The following ESRRG variants were observed in gnomAD, a reference collection of about 807,000 sequenced individuals.
The protein encoded by ESRRG is estrogen-related receptor gamma.
Under a neutral mutation model 44.0 loss-of-function variants are expected in ESRRG, and 13 were observed. That is an observed-to-expected ratio of 0.30 (90% CI 0.19 to 0.47). The LOEUF (loss-of-function observed/expected upper bound fraction) is 0.47. Among genes scored for constraint, ESRRG ranks in the 20% least tolerant of loss-of-function variants. The pLI is 1.00. For synonymous variants in ESRRG, 215 were observed against 214.6 expected, an observed-to-expected ratio of 1.00 and a Z score of -0.02; for missense variants, 395 against 580.6, an observed-to-expected ratio of 0.68 and a Z score of 3.29.
In ESRRG at chr1:216,840,337, C is replaced by T. The variant is rs189004581; in HGVS notation, c.-14+99245G>A. 5.9e-5 allele frequency among the ~76,000 whole-genome samples: 9 copies of T among 152,338 alleles called. No individual in the cohort carries two copies. The East Asian group carries it at 1.7e-3, about 29-fold the overall frequency. ...CTTTTCTTCTGCAGCTTCCTCACCTCTCTCAGCCTTCACAGAATTGAAGAG... is the reference window on the plus strand; with the variant it reads ...CTTTTCTTCTGCAGCTTCCTCACCTTTCTCAGCCTTCACAGAATTGAAGAG... On this transcript the variant is annotated intron_variant, in intron 2 of 7. Coordinates refer to the ESRRG transcript ENST00000359162.
chr1:216,684,684 G>C (rs2151619937), intron 1 of ESRRG, among the ~76,000 whole-genome samples: 1 of 152,268 alleles, frequency 6.6e-6, no homozygotes, highest in Non-Finnish European at 1.5e-5. Context: ...TTTGAAGGGA[G>C]AGCTCTCCTC....
intron 2 of ESRRG, among the ~76,000 whole-genome samples, chr1:216,808,941 G>A (rs1213115007): frequency 1.3e-5 from 2 of 151,798 alleles, no homozygotes; most frequent in African/African-American, 4.8e-5. Context: ...AAATGGGAAA[G>A]AAAGAAGAAA....
chr1:216,847,342 G>A, intron 2 of ESRRG, among the ~76,000 whole-genome samples: 1 of 151,888 alleles, frequency 6.6e-6, no homozygotes, highest in East Asian at 1.9e-4. Context: ...ACTATATAGG[G>A]GCAGACAACC....
intron 1 of ESRRG, among the ~76,000 whole-genome samples, chr1:216,706,728 C>T (rs1365431794): frequency 6.6e-6 from 1 of 152,136 alleles, no homozygotes; most frequent in African/African-American, 2.4e-5. Context: ...GCCCTGATAC[C>T]ATGATTTTAA....
At chr1:216,669,420 A>G (rs989750966) in intron 2 of ESRRG, among the ~76,000 whole-genome samples, 2 of 152,232 alleles carry the variant, frequency 1.3e-5, no homozygotes, top group African/African-American at 4.8e-5. Context: ...AAAAAGAAAG[A>G]TTGCAATATT....
intron 1 of ESRRG, among the ~76,000 whole-genome samples, chr1:216,964,620 C>T (rs189208780): frequency 3.8e-4 from 58 of 152,188 alleles, no homozygotes; most frequent in Middle Eastern, 3.4e-3. Flanking sequence ...GTCTACCTAA[C>T]GCTAAAGCTA....
Position 217,031,589 on chromosome 1 carries a change from G to A in ESRRG, c.-106+57918C>T, listed in dbSNP as rs562610532. Among the ~76,000 whole-genome samples the A allele has an allele frequency of 5.3e-4, 80 of 152,278 alleles. 2 individuals carry two copies. The highest frequency in any genetic ancestry group is 1.8e-3 in the African/African-American group (76 of 41,570). On this transcript the variant is annotated intron_variant, in intron 1 of 7. Coordinates refer to the ESRRG transcript ENST00000359162. ...AATCTAATTTTGTAGCATATTTTGG[G>A]GGGACACATTTACAGAGACCAACAG...
intron 3 of ESRRG, among the ~76,000 whole-genome samples, chr1:216,621,999 G>A (rs183990597): frequency 2.4e-4 from 36 of 152,266 alleles, no homozygotes; most frequent in Non-Finnish European, 3.7e-4. Context: ...TGACTTCCCT[G>A]CACAAAGGCC....
chr1:217,077,035 T>C (rs1457077510), intron 1 of ESRRG: 1 of 152,244 alleles, frequency 6.6e-6, no homozygotes, highest in African/African-American at 2.4e-5. Context: ...CAGAAGCTGA[T>C]ACCAAATCAC....
At chr1:217,059,899 T>G (rs890859241) in intron 1 of ESRRG, among the ~76,000 whole-genome samples, 2 of 152,096 alleles carry the variant, frequency 1.3e-5, no homozygotes, top group African/African-American at 4.8e-5. Context: ...GGCTTGTCAT[T>G]TTTTAAATGG....
At chr1:216,521,804 A>C (rs1213614423) in intron 5 of ESRRG, among the ~76,000 whole-genome samples, 1 of 152,046 alleles carries the variant, frequency 6.6e-6, no homozygotes, top group Non-Finnish European at 1.5e-5. Context: ...CAGGCATCCA[A>C]TTTTTCTTAT....
At chr1:216,732,415 C>T (rs978581738) in intron 2 of ESRRG, among the ~76,000 whole-genome samples, 1 of 148,776 alleles carries the variant, frequency 6.7e-6, no homozygotes, top group African/African-American at 2.5e-5. Context: ...CTTACTGTGT[C>T]GCCCAGGCTG....
chr1:217,061,999 T>A (rs1203432330), intron 1 of ESRRG, among the ~76,000 whole-genome samples: 1 of 152,178 alleles, frequency 6.6e-6, no homozygotes, highest in Non-Finnish European at 1.5e-5. Flanking sequence ...TGTTTGCTTC[T>A]AGTTAAAATC....
intron 2 of ESRRG, among the ~76,000 whole-genome samples, chr1:216,792,577 G>A (rs1324736531): frequency 6.6e-6 from 1 of 152,178 alleles, no homozygotes; most frequent in African/African-American, 2.4e-5. Flanking sequence ...TAGGAAGAAT[G>A]CATACAGGCT....
At chr1:216,969,427 A>C (rs1023353631) in intron 1 of ESRRG, among the ~76,000 whole-genome samples, 1 of 152,162 alleles carries the variant, frequency 6.6e-6, no homozygotes, top group Admixed American at 6.6e-5. Flanking sequence ...ACATAGAAAA[A>C]AACATAAAAA....
intron 1 of ESRRG, chr1:216,715,061 C>A (rs1232677156): frequency 3.9e-5 from 38 of 985,156 alleles, no homozygotes; most frequent in Non-Finnish European, 4.3e-5. Context: ...AAAAGGCGGC[C>A]ACATGCTCCC....
intron 1 of ESRRG, among the ~76,000 whole-genome samples, chr1:216,698,554 C>T (rs2080745458): frequency 6.6e-6 from 1 of 151,216 alleles, no homozygotes; most frequent in South Asian, 2.1e-4. Context: ...TGCAAGTTTC[C>T]TCCTGGAGCA....
At chr1:216,781,521 G>A (rs915990991) in intron 2 of ESRRG, among the ~76,000 whole-genome samples, 2 of 151,946 alleles carry the variant, frequency 1.3e-5, no homozygotes, top group East Asian at 1.9e-4. Context: ...CAACATTTAC[G>A]TAATGTCTTC....
chr1:216,726,671 G>A (rs919131123), upstream of ESRRG, among the ~76,000 whole-genome samples: 1 of 152,092 alleles, frequency 6.6e-6, no homozygotes, highest in African/African-American at 2.4e-5. Context: ...TCTCATGATT[G>A]CTTCACAAAG....
Sources: gnomAD v4.1 joint callset for allele counts (sites outside exome capture counted in the v4.1 genomes callset) on GRCh38, gnomAD v4.1.1 for gene constraint, MANE v1.5 for transcripts, NCBI Gene and HGNC (gene_info 2026-07-23, HGNC 2026-07-21) for gene names.